KIAA0753: variants seen among roughly 807,000 people sequenced by gnomAD.
The protein encoded by KIAA0753 is protein moonraker.
In KIAA0753, 114 loss-of-function variants were observed where a neutral mutation model predicts 116.9. The observed-to-expected ratio is 0.98, with a 90% CI of 0.84 to 1.14. The LOEUF is 1.14. KIAA0753 is among the 50% of genes most tolerant of loss of function. The pLI, the probability that KIAA0753 is intolerant of heterozygous loss-of-function variation, is 0.00. For synonymous variants in KIAA0753, 405 were observed against 413.1 expected (o/e 0.98, Z 0.24); for missense variants, 1,156 against 1,172.4 (o/e 0.99, Z 0.20).
Position 6,628,605 on chromosome 17 carries a change from C to A in KIAA0753, c.230G>T (p.Cys77Phe). The change falls in exon 3 of 19, where the codon TGT becomes TTT. Residue 77 changes from cysteine (C) to phenylalanine (F), a missense_variant. Coordinates refer to ENST00000361413, the MANE Select transcript of KIAA0753 (RefSeq NM_014804.3). ...ACTGCCCAGGTCAGGACCAACTCTA[C>A]AATCTGCATCTTTACAATGGTATGA... Reference protein sequence around the residue: ...NESYHCKDADCRVGPDLGSSV... With the variant: ...NESYHCKDADFRVGPDLGSSV... 1 of 1,614,200 alleles carries A rather than the reference C, an allele frequency of 6.2e-7. No individual in the cohort carries two copies. The highest frequency in any genetic ancestry group is 8.5e-7 in the Non-Finnish European group (1 of 1,180,030).
intron 16 of KIAA0753, among the ~76,000 whole-genome samples, chr17:6,591,520 C>T (rs773903952): frequency 4.6e-5 from 7 of 152,146 alleles, no homozygotes; most frequent in African/African-American, 9.7e-5. Flanking sequence ...CAAACAGAAC[C>T]ACCAGAAACG....
At chr17:6,615,235 C>T (rs1970809516) in intron 7 of KIAA0753, among the ~76,000 whole-genome samples, 1 of 152,126 alleles carries the variant, frequency 6.6e-6, no homozygotes, top group African/African-American at 2.4e-5. Flanking sequence ...GCGCCTGGCC[C>T]ATAAGTTTTA....
chr17:6,607,054 T>G (rs1970242950), intron 11 of KIAA0753, 92 bp from the exon 12 acceptor site: 2 of 1,428,712 alleles, frequency 1.4e-6, no homozygotes, highest in Admixed American at 3.4e-5. Context: ...CTTGGCTTCT[T>G]AAGTGACTTC....
At chr17:6,592,459 C>T (rs79779883) in intron 16 of KIAA0753, among the ~76,000 whole-genome samples, 2,972 of 152,244 alleles carry the variant, frequency 0.02, 90 homozygotes, top group African/African-American at 0.066. Flanking sequence ...CCGATAAGCA[C>T]AAGTCAAACA....
At chr17:6,594,894 T>C (rs1164402159) in intron 16 of KIAA0753, 78 bp downstream of exon 16, 24 of 1,079,822 alleles carry the variant, frequency 2.2e-5, no homozygotes, top group Middle Eastern at 4.2e-4. Flanking sequence ...GTGTTTACTA[T>C]ACAATTTTTT....
At position 6,600,450 on chromosome 17, in the gene KIAA0753, G is replaced by A; in HGVS notation, c.2018C>T (p.Ala673Val). ...CTCTACCTTGTCTGCTAAGTGGGTGGCAGAAACACTATTTAGAAATAAAAT... is the reference window on the plus strand; with the variant it reads ...CTCTACCTTGTCTGCTAAGTGGGTGACAGAAACACTATTTAGAAATAAAAT... ...MYRLQQLSVS[A>V]THLADKVEEA... Residue 673 changes from alanine (A) to valine (V), a missense_variant, in exon 13 of 19, where the codon GCC becomes GTC. By Grantham distance (64) the Ala-to-Val change is moderately conservative. Coordinates refer to ENST00000361413, the MANE Select transcript of KIAA0753 (RefSeq NM_014804.3). The A allele has an allele frequency of 1.9e-6, 3 of 1,611,632 alleles. No homozygotes were observed. Among genetic ancestry groups the A allele is most frequent in the Non-Finnish European group, 2.5e-6 (3 of 1,177,978 alleles).
At chr17:6,582,249 T>C (rs1306118450) in intron 18 of KIAA0753, among the ~76,000 whole-genome samples, 2 of 152,246 alleles carry the variant, frequency 1.3e-5, no homozygotes, top group African/African-American at 4.8e-5. Context: ...CAGTTATGTG[T>C]TTACAGTTCT....
chr17:6,608,788 T>G (rs1205313136), intron 9 of KIAA0753, among the ~76,000 whole-genome samples: 2 of 152,180 alleles, frequency 1.3e-5, no homozygotes, highest in African/African-American at 4.8e-5. Flanking sequence ...CATTCCATAT[T>G]ATAAGGCAAC....
chr17:6,590,980 G>C (rs1263410213), intron 16 of KIAA0753, among the ~76,000 whole-genome samples: 1 of 133,410 alleles, frequency 7.5e-6, no homozygotes, highest in East Asian at 2.2e-4. Flanking sequence ...ATGCGAAGAA[G>C]AAGAAGAAGA....
At chr17:6,582,324 C>T (rs369550152) in intron 18 of KIAA0753, among the ~76,000 whole-genome samples, 25 of 152,212 alleles carry the variant, frequency 1.6e-4, no homozygotes, top group African/African-American at 4.3e-4. Flanking sequence ...GGCTTCATGC[C>T]GTTAATATGA....
At chr17:6,592,048 G>A (rs957084276) in intron 16 of KIAA0753, among the ~76,000 whole-genome samples, 1 of 152,258 alleles carries the variant, frequency 6.6e-6, no homozygotes, top group Non-Finnish European at 1.5e-5. Context: ...AGAGATGCCA[G>A]GGAAAGCACA....
Position 6,620,905 on chromosome 17 carries a change from T to C in KIAA0753, c.1198A>G (p.Lys400Glu), listed in dbSNP as rs181699637. 770 of 1,614,182 alleles carry C rather than the reference T, an allele frequency of 4.8e-4. 2 individuals carry two copies. The highest frequency in any genetic ancestry group is 2.0e-3 in the Middle Eastern group (12 of 6,044). The change falls in exon 7 of 19, where the codon AAG becomes GAG. Residue 400 changes from lysine (K) to glutamate (E), a missense_variant. Coordinates refer to ENST00000361413, the MANE Select transcript of KIAA0753 (RefSeq NM_014804.3). Reference protein sequence around the residue: ...IRSRFPIGSQKALERWPSTSP... With the variant: ...IRSRFPIGSQEALERWPSTSP... ...GTACTTGGCCATCTCTCCAAGGCCT[T>C]TTGGCTACCGATAGGAAATCTGCTC...
intron 18 of KIAA0753, among the ~76,000 whole-genome samples, chr17:6,581,412 T>C (rs572628307): frequency 6.6e-6 from 1 of 152,218 alleles, no homozygotes; most frequent in Non-Finnish European, 1.5e-5. Context: ...TGATATCCAT[T>C]AATGATGTCA....
Position 6,578,983 on chromosome 17 carries a change from A to G in KIAA0753, c.*764T>C, listed in dbSNP as rs547421693. 3 of 152,042 alleles carry G rather than the reference A, an allele frequency of 2.0e-5. No individual in the cohort carries two copies. Among genetic ancestry groups the G allele is most frequent in the South Asian group, 2.1e-4 (1 of 4,814 alleles). 9.4% of individuals were successfully genotyped at this position (152,042 alleles called of 1,614,324 possible). A position where few individuals can be genotyped will look rare whatever the true frequency, so the allele number is the denominator to read the frequency against. The stretch of plus-strand genomic sequence containing the variant: ...TCATCGGAGACACAGCGAGGTCTGT[A>G]CCTTCACCCAGGCACAGGAGAAGGC... On this transcript the variant is annotated 3_prime_UTR_variant, in exon 19 of 19. Transcript: ENST00000361413.
Position 6,619,787 on chromosome 17 carries a change from G to T in KIAA0753, c.1315+1001C>A, listed in dbSNP as rs555994592. The stretch of plus-strand genomic sequence containing the variant: ...AAAAAAAACAAACTTTACTGGACTT[G>T]TCCATACATATTTATAGGTGATCTC... On this transcript the variant is annotated intron_variant, in intron 7 of 18. Transcript: ENST00000361413. Among the ~76,000 whole-genome samples, 8 of 152,222 alleles carry T rather than the reference G, an allele frequency of 5.3e-5. No individual in the cohort carries two copies. In the South Asian group the frequency reaches 1.7e-3, roughly 32 times the overall value.
chr17:6,584,492 T>A (rs916309484), intron 18 of KIAA0753, among the ~76,000 whole-genome samples: 16 of 152,214 alleles, frequency 1.1e-4, no homozygotes, highest in African/African-American at 3.9e-4. Context: ...ACCCAAACTG[T>A]GAGAGAAATA....
Position 6,589,899 on chromosome 17 carries a change from A to G in KIAA0753, c.2666T>C (p.Leu889Pro). 10 of 1,613,830 alleles carry G rather than the reference A, an allele frequency of 6.2e-6. No individual in the cohort carries two copies. The highest frequency in any genetic ancestry group is 8.5e-6 in the Non-Finnish European group (10 of 1,179,886). ...DSQQKEGRAP[L>P]FVPPGMQHSI... is the part of the protein sequence containing the mutation. Reference sequence around the variant, plus strand: ...GTGCTGCATACCCGGTGGGACAAAGAGGGGAGCTCGGCCTTCTTTCTGTTG... The same window carrying G: ...GTGCTGCATACCCGGTGGGACAAAGGGGGGAGCTCGGCCTTCTTTCTGTTG... The change falls in exon 18 of 19, where the codon CTC (leucine) becomes CCC (proline). Residue 889 changes from leucine to proline, a missense_variant. Coordinates refer to ENST00000361413, the MANE Select transcript of KIAA0753 (RefSeq NM_014804.3).
intron 1 of KIAA0753, chr17:6,635,910 T>C (rs1972295476): frequency 6.6e-6 from 1 of 152,250 alleles, no homozygotes; most frequent in South Asian, 2.1e-4. Context: ...ATTTCACATG[T>C]ACATGTCTCA....
chr17:6,583,075 A>T (rs1382705218), intron 18 of KIAA0753, among the ~76,000 whole-genome samples: 2 of 152,194 alleles, frequency 1.3e-5, no homozygotes, highest in Non-Finnish European at 2.9e-5. Flanking sequence ...TTCTTCCCCC[A>T]AAATACCCTT....
Sources: gnomAD v4.1 joint callset for allele counts (sites outside exome capture counted in the v4.1 genomes callset) on GRCh38, gnomAD v4.1.1 for gene constraint, MANE v1.5 for transcripts, NCBI Gene and HGNC (gene_info 2026-07-23, HGNC 2026-07-21) for gene names.